Variants in MYBPC1 observed in about 807,000 individuals in gnomAD.
MYBPC1 encodes myosin-binding protein C, slow-type.
In MYBPC1, 52 loss-of-function variants were observed where a neutral mutation model predicts 147.1. The observed-to-expected ratio is 0.35, with a 90% confidence interval of 0.28 to 0.45. MYBPC1 has a LOEUF of 0.45. MYBPC1 is among the 20% of genes least tolerant of loss of function. The pLI, the probability that MYBPC1 is intolerant of heterozygous loss-of-function variation, is 1.00. For synonymous variants in MYBPC1, 477 were observed against 475.9 expected (o/e 1.00, Z -0.03); for missense variants, 1,228 against 1,440.3 (o/e 0.85, Z 2.39).
At chr12:101,673,313 G>A in intron 24 of MYBPC1, 114 bp from the exon 25 acceptor site, 1 of 1,046,878 alleles carries the variant, frequency 9.6e-7, no homozygotes, top group Non-Finnish European at 1.5e-6. Context: ...TAGAAGGGTG[G>A]TATTTTCCAG....
At chr12:101,627,706 C>T (rs1341558182) in intron 4 of MYBPC1, 63 bp from the exon 5 acceptor site, 5 of 1,568,906 alleles carry the variant, frequency 3.2e-6, no homozygotes, top group Non-Finnish European at 4.4e-6. Flanking sequence ...AGGTTGAAGT[C>T]AGCACTCCAT....
In MYBPC1 at chr12:101,659,661, C is replaced by T. The variant is rs1356828318; in HGVS notation, c.1768-11C>T. 1.9e-6 allele frequency: 3 copies of T among 1,614,018 alleles called. No homozygotes were observed. Among genetic ancestry groups the T allele is most frequent in the Non-Finnish European group, 2.5e-6 (3 of 1,179,940 alleles). ...GTAAATCATGCCACATTTTGTTTCT[C>T]CACTTCTTAGGCTATTATGGAAGGC... is the stretch of plus-strand genomic sequence containing the variant. On this transcript the variant is annotated splice_polypyrimidine_tract_variant and intron_variant, in intron 18 of 31. Transcript: ENST00000361466.
At chr12:101,618,819 C>T (rs546202535) in intron 3 of MYBPC1, among the ~76,000 whole-genome samples, 2 of 151,168 alleles carry the variant, frequency 1.3e-5, no homozygotes, top group South Asian at 4.2e-4. Flanking sequence ...AAAACCATGA[C>T]CACATGCAGT....
chr12:101,631,029 A>G (rs935243987), intron 6 of MYBPC1, among the ~76,000 whole-genome samples: 20 of 152,168 alleles, frequency 1.3e-4, no homozygotes, highest in African/African-American at 3.9e-4. Flanking sequence ...CTGGACTACA[A>G]TGTCACGTCC....
intron 4 of MYBPC1, 59 bp from the exon 5 acceptor site, chr12:101,627,710 A>T: frequency 6.3e-7 from 1 of 1,579,196 alleles, no homozygotes; most frequent in Admixed American, 1.7e-5. Context: ...TGAAGTCAGC[A>T]CTCCATTTTC....
At chr12:101,614,555 C>G in intron 2 of MYBPC1, 24 bp downstream of exon 2, 1 of 1,612,012 alleles carries the variant, frequency 6.2e-7, no homozygotes, top group Non-Finnish European at 8.5e-7. Flanking sequence ...CTCACTCACA[C>G]ACGTTTGGGC....
chr12:101,642,643 T>G (rs1186941325), intron 11 of MYBPC1, 58 bp downstream of exon 11: 2 of 1,553,240 alleles, frequency 1.3e-6, no homozygotes, highest in Non-Finnish European at 1.7e-6. Flanking sequence ...TCGAAAGCCT[T>G]GACCGTGAAC....
intron 14 of MYBPC1, among the ~76,000 whole-genome samples, chr12:101,648,557 T>C (rs1893715821): frequency 6.6e-6 from 1 of 152,356 alleles, no homozygotes; most frequent in Non-Finnish European, 1.5e-5. Context: ...GTCTTCTAAG[T>C]GGGCTTACTA....
intron 8 of MYBPC1, among the ~76,000 whole-genome samples, chr12:101,632,660 T>A (rs1481449049): frequency 6.6e-6 from 1 of 152,238 alleles, no homozygotes; most frequent in Non-Finnish European, 1.5e-5. Context: ...AAAAGTTGAC[T>A]TGGCAGCAAA....
chr12:101,614,587 C>G (rs2135810537), intron 2 of MYBPC1, 56 bp downstream of exon 2: 1 of 1,591,204 alleles, frequency 6.3e-7, no homozygotes, highest in East Asian at 2.3e-5. Context: ...AGGGTCCATC[C>G]CAGCATGATT....
chr12:101,635,201 A>T (rs1890746811), intron 9 of MYBPC1, among the ~76,000 whole-genome samples: 1 of 152,228 alleles, frequency 6.6e-6, no homozygotes, highest in Admixed American at 6.5e-5. Context: ...GGGGCGGTCA[A>T]GGAAGAAATG....
At chr12:101,599,297 G>A (rs1291420443) in intron 1 of MYBPC1, among the ~76,000 whole-genome samples, 1 of 151,900 alleles carries the variant, frequency 6.6e-6, no homozygotes, top group Non-Finnish European at 1.5e-5. Context: ...CATGGTAATA[G>A]AGAACAGTTT....
Position 101,659,947 on chromosome 12 carries a change from CT to C in MYBPC1, c.1927+125del, listed in dbSNP as rs770034877. 1,114 of 1,287,186 alleles carry C rather than the reference CT, an allele frequency of 8.7e-4. 6 individuals carry two copies. In the African/African-American group the frequency reaches 9.4e-3, roughly 11 times the overall value. 79.7% of individuals were successfully genotyped at this position (1,287,186 alleles called of 1,614,324 possible). A position where few individuals can be genotyped will look rare whatever the true frequency, so the allele number is the denominator to read the frequency against. On this transcript the variant is annotated intron_variant, in intron 19 of 31. Transcript: ENST00000361466. ...CCTTCCTTTGTCTTTCCCTTATCTTCTTTTTTTTTCTTGCCTAGAGGACTTA... is the reference window on the plus strand; with the variant it reads ...CCTTCCTTTGTCTTTCCCTTATCTTCTTTTTTTTCTTGCCTAGAGGACTTA...
At position 101,647,991 on chromosome 12, in the gene MYBPC1, A is replaced by G. The variant is rs1021414506; in HGVS notation, c.1091-54A>G. 2.8e-6 allele frequency: 4 copies of G among 1,422,896 alleles called. No individual in the cohort carries two copies. In the African/African-American group the frequency reaches 5.6e-5, roughly 20 times the overall value. The allele number at this position is 1,422,896 out of a possible 1,614,324, so 88.1% of individuals were successfully genotyped here. On this transcript the variant is annotated intron_variant, in intron 13 of 31. Transcript: ENST00000361466. ...TTCATCTGTGAAGAAATCAGGGCTC[A>G]TGGGATAGGCTTTGGATATTTAATG... is the stretch of plus-strand genomic sequence containing the variant.
At chr12:101,669,940 G>GAAA in intron 23 of MYBPC1, 1 of 187,950 alleles carries the variant, frequency 5.3e-6, no homozygotes. Flanking sequence ...AAAAAAAAAA[G>GAAA]AAAAAAAAAA....
chr12:101,601,369 C>A (rs1879867148), intron 1 of MYBPC1, among the ~76,000 whole-genome samples: 1 of 152,126 alleles, frequency 6.6e-6, no homozygotes, highest in South Asian at 2.1e-4. Flanking sequence ...CAAAGATGGA[C>A]CACAGGCCAA....
At chr12:101,596,181 A>G (rs1261612815) in intron 1 of MYBPC1, among the ~76,000 whole-genome samples, 1 of 152,218 alleles carries the variant, frequency 6.6e-6, no homozygotes, top group Non-Finnish European at 1.5e-5. Context: ...AATTATCAAA[A>G]GTCTTTTAAA....
chr12:101,668,385 C>A (rs903564753), intron 23 of MYBPC1, among the ~76,000 whole-genome samples: 1 of 152,094 alleles, frequency 6.6e-6, no homozygotes, highest in Non-Finnish European at 1.5e-5. Context: ...TGCCACGGAG[C>A]CATACTAGCC....
intron 29 of MYBPC1, among the ~76,000 whole-genome samples, chr12:101,681,555 CATATAT>C (rs1206495774): frequency 0.023 from 531 of 23,150 alleles, 10 homozygotes; most frequent in Middle Eastern, 0.056. Flanking sequence ...AAATAACTTT[CATATAT>C]ATATATATAT....
Sources: gnomAD v4.1 joint callset for allele counts (sites outside exome capture counted in the v4.1 genomes callset) on GRCh38, gnomAD v4.1.1 for gene constraint, MANE v1.5 for transcripts, NCBI Gene and HGNC (gene_info 2026-07-23, HGNC 2026-07-21) for gene names.